CCDC62: variants seen among roughly 807,000 people sequenced by gnomAD.
CCDC62 encodes coiled-coil domain containing 62.
In CCDC62, 72 loss-of-function variants were observed where a neutral mutation model predicts 80.8. The observed-to-expected ratio is 0.89, with a 90% confidence interval of 0.74 to 1.08. The LOEUF (loss-of-function observed/expected upper bound fraction) is 1.08. CCDC62 is among the 50% of genes least tolerant of loss of function. CCDC62 has a pLI of 0.00. For synonymous variants in CCDC62, 286 were observed against 296.5 expected (o/e 0.96, Z 0.36); for missense variants, 704 against 809.4 (o/e 0.87, Z 1.58).
At chr12:122,819,224 A>T (rs2032303887) in intron 11 of CCDC62, among the ~76,000 whole-genome samples, 1 of 152,214 alleles carries the variant, frequency 6.6e-6, no homozygotes, top group South Asian at 2.1e-4. Flanking sequence ...CTAGGTACCG[A>T]AAAAGCAAAT....
At chr12:122,811,081 A>G (rs1357147573) in intron 10 of CCDC62, among the ~76,000 whole-genome samples, 1 of 152,008 alleles carries the variant, frequency 6.6e-6, no homozygotes, top group Non-Finnish European at 1.5e-5. Context: ...ATGATGAGTT[A>G]ATGGGTGCAG....
At chr12:122,790,802 G>A (rs888808821) in intron 5 of CCDC62, among the ~76,000 whole-genome samples, 8 of 152,134 alleles carry the variant, frequency 5.3e-5, no homozygotes, top group African/African-American at 1.4e-4. Flanking sequence ...CTGAGGCCAC[G>A]TAGGAGCTCC....
intron 11 of CCDC62, among the ~76,000 whole-genome samples, chr12:122,818,178 C>T (rs2032246678): frequency 6.6e-6 from 1 of 151,510 alleles, no homozygotes; most frequent in African/African-American, 2.4e-5. Flanking sequence ...TGTGGCCAGG[C>T]GCGGTGGCTC....
chr12:122,799,244 T>C (rs1185463995), intron 8 of CCDC62, among the ~76,000 whole-genome samples: 1 of 152,152 alleles, frequency 6.6e-6, no homozygotes, highest in Non-Finnish European at 1.5e-5. Context: ...TTCCCTTCTG[T>C]TGTGTAGAAG....
rs2030437152 is a variant in CCDC62 at position 122,788,948 on chromosome 12, T to C, written c.670+19T>C. On this transcript the variant is annotated intron_variant, in intron 5 of 12. Coordinates refer to ENST00000253079, the MANE Select transcript of CCDC62 (RefSeq NM_201435.5). Reference sequence around the variant, plus strand: ...CTAAAAGGTAAGGAAGAGACCTACATTTAAGATACAAATGTATTATCTTGG... The same window carrying C: ...CTAAAAGGTAAGGAAGAGACCTACACTTAAGATACAAATGTATTATCTTGG... The C allele has an allele frequency of 5.8e-6, 9 of 1,546,736 alleles. No individual in the cohort carries two copies. The highest frequency in any genetic ancestry group is 7.9e-6 in the Non-Finnish European group (9 of 1,145,134).
At chr12:122,797,528 GTTTA>G in intron 7 of CCDC62, 133 bp downstream of exon 7, 1 of 496,430 alleles carries the variant, frequency 2.0e-6, no homozygotes, top group Non-Finnish European at 3.6e-6. Flanking sequence ...TGTATATCAT[GTTTA>G]TTTATTTTTA....
At chr12:122,794,999 A>G (rs1008342238) in intron 6 of CCDC62, among the ~76,000 whole-genome samples, 6 of 152,136 alleles carry the variant, frequency 3.9e-5, no homozygotes, top group African/African-American at 1.2e-4. Context: ...TTTAAAGGGC[A>G]TAACATGATA....
intron 10 of CCDC62, among the ~76,000 whole-genome samples, chr12:122,807,147 T>C (rs928171940): frequency 6.6e-6 from 1 of 152,152 alleles, no homozygotes; most frequent in Admixed American, 6.6e-5. Flanking sequence ...AGTGGAAGAA[T>C]TGCTTAAGCC....
At chr12:122,792,201 G>GTTTT in intron 6 of CCDC62, 80 bp downstream of exon 6, 1 of 715,616 alleles carries the variant, frequency 1.4e-6, no homozygotes, top group Non-Finnish European at 2.3e-6. Context: ...CTCCCAAAAT[G>GTTTT]GTTTTTTTTT....
intron 10 of CCDC62, among the ~76,000 whole-genome samples, chr12:122,812,785 A>G (rs868548262): frequency 6.9e-4 from 76 of 110,110 alleles, no homozygotes; most frequent in African/African-American, 3.3e-3. Context: ...GAGAGAAAGA[A>G]AGAAAGAAAG....
At chr12:122,802,443 T>C (rs986414260) in intron 9 of CCDC62, among the ~76,000 whole-genome samples, 4 of 147,988 alleles carry the variant, frequency 2.7e-5, no homozygotes, top group African/African-American at 1.0e-4. Flanking sequence ...AGATGGAGTC[T>C]AGCTTTGTCG....
chr12:122,810,433 T>G (rs964741973), intron 10 of CCDC62, among the ~76,000 whole-genome samples: 1 of 152,216 alleles, frequency 6.6e-6, no homozygotes, highest in Non-Finnish European at 1.5e-5. Flanking sequence ...TCATCATCAC[T>G]GGTCATCAGA....
rs533747141 is a variant in CCDC62, at chr12:122,805,046, G to A, written c.1707-1105G>A. Among the ~76,000 whole-genome samples the A allele has an allele frequency of 1.3e-4, 20 of 151,198 alleles. No homozygotes were observed. In the South Asian group the frequency reaches 4.2e-3, roughly 32 times the overall value. On this transcript the variant is annotated intron_variant, in intron 9 of 12. Coordinates refer to ENST00000253079, the MANE Select transcript of CCDC62 (RefSeq NM_201435.5). ...ATTACAGGCGCGCGCCACCATGCCC[G>A]GCTGATTTTTGTATTTTTAGTAGAG...
chr12:122,813,150 C>A, intron 10 of CCDC62, 120 bp from the exon 11 acceptor site: 1 of 1,006,452 alleles, frequency 9.9e-7, no homozygotes, highest in Non-Finnish European at 1.4e-6. Context: ...GTGATTGTGC[C>A]ACTGCACTTC....
chr12:122,811,617 C>A (rs112288169), intron 10 of CCDC62, among the ~76,000 whole-genome samples: 1 of 150,226 alleles, frequency 6.7e-6, no homozygotes, highest in Non-Finnish European at 1.5e-5. Context: ...GTCAGGAGAT[C>A]GAGACCATCC....
chr12:122,792,527 A>T (rs1164771195), intron 6 of CCDC62, among the ~76,000 whole-genome samples: 2 of 144,316 alleles, frequency 1.4e-5, no homozygotes, highest in Non-Finnish European at 3.0e-5. Flanking sequence ...TTTTATTTTT[A>T]TTTTTTTCTG....
At position 122,797,350 on chromosome 12, in the gene CCDC62, G is replaced by T. The variant is rs1197502961; in HGVS notation, c.816G>T (p.Lys272Asn). 2.5e-6 allele frequency: 4 copies of T among 1,601,372 alleles called. No homozygotes were observed. The highest frequency in any genetic ancestry group is 3.4e-6 in the Non-Finnish European group (4 of 1,168,748). The part of the protein sequence containing the change: ...KRKDELLNIA[K>N]SKQERTNSEL... ...AAGATGAATTGCTTAATATTGCGAA[G>T]TCAAAGCAAGAACGCACAAATTCAG... The change falls in exon 7 of 13, where the codon AAG (lysine) becomes AAT (asparagine). Residue 272 changes from lysine (K) to asparagine (N), a missense_variant. Transcript: ENST00000253079.
chr12:122,803,429 G>C (rs896092542), intron 9 of CCDC62, among the ~76,000 whole-genome samples: 1 of 152,110 alleles, frequency 6.6e-6, no homozygotes, highest in African/African-American at 2.4e-5. Flanking sequence ...TCTTGTGTGT[G>C]AGTGTCGTCA....
In CCDC62 at chr12:122,815,571, C is replaced by G. The variant is rs561735928; in HGVS notation, c.2001+2152C>G. Among the ~76,000 whole-genome samples, 577 of 152,174 alleles carry G rather than the reference C, an allele frequency of 3.8e-3. 4 individuals are homozygous for G. Among genetic ancestry groups the G allele is most frequent in the African/African-American group, 0.013 (540 of 41,518 alleles). Reference sequence around the variant, plus strand: ...ACGCCATTCTCCTGCCTCAGCCTCCCGAGTAGCTGGGACTACAGGCGCCCG... The same window carrying G: ...ACGCCATTCTCCTGCCTCAGCCTCCGGAGTAGCTGGGACTACAGGCGCCCG... On this transcript the variant is annotated intron_variant, in intron 11 of 12. Coordinates refer to ENST00000253079, the MANE Select transcript of CCDC62 (RefSeq NM_201435.5).
Sources: gnomAD v4.1 joint callset for allele counts (sites outside exome capture counted in the v4.1 genomes callset) on GRCh38, gnomAD v4.1.1 for gene constraint, MANE v1.5 for transcripts, NCBI Gene and HGNC (gene_info 2026-07-23, HGNC 2026-07-21) for gene names.